Variants in DCP1B observed in about 807,000 individuals in gnomAD.
The protein encoded by DCP1B is decapping mRNA 1B, also known as mRNA-decapping enzyme 1B.
Under a neutral mutation model 60.5 loss-of-function variants are expected in DCP1B, and 47 were observed. The observed-to-expected ratio is 0.78, with a 90% CI of 0.61 to 0.99. DCP1B has a LOEUF of 0.99. Ranked by LOEUF, DCP1B falls within the 50% of genes least tolerant of loss-of-function variation. DCP1B has a pLI of 0.00. For missense variants in DCP1B, 725 were observed against 756.8 expected (o/e 0.96, Z 0.49); for synonymous variants, 267 against 280.3 (o/e 0.95, Z 0.47).
chr12:1,996,615 C>CT (rs1417021692), intron 2 of DCP1B, among the ~76,000 whole-genome samples: 2 of 23,448 alleles, frequency 8.5e-5, no homozygotes, highest in African/African-American at 1.4e-4. Flanking sequence ...AGCTGATGAG[C>CT]TAAAAAAAAA....
At chr12:1,970,916 G>T in intron 3 of DCP1B, 1 of 329,814 alleles carries the variant, frequency 3.0e-6, no homozygotes. Flanking sequence ...AACTTGCAGC[G>T]ATACGATACG....
chr12:1,965,805 GA>G, intron 4 of DCP1B, 112 bp from the exon 5 acceptor site: 2 of 1,283,106 alleles, frequency 1.6e-6, no homozygotes, highest in African/African-American at 1.6e-5. Context: ...AACCATATTA[GA>G]AATAAGCTTG....
intron 7 of DCP1B, 122 bp from the exon 8 acceptor site, chr12:1,949,456 G>C: frequency 2.2e-6 from 3 of 1,384,558 alleles, no homozygotes; most frequent in Non-Finnish European, 2.9e-6. Context: ...GCTGAGAAAA[G>C]TTTATGGGAA....
At chr12:2,004,083 A>C (rs999959264) in intron 1 of DCP1B, 199 bp downstream of exon 1, 2 of 700,346 alleles carry the variant, frequency 2.9e-6, no homozygotes, top group Non-Finnish European at 4.7e-6. Flanking sequence ...CCCCAACTCC[A>C]GGTAGCTCCA....
chr12:1,997,867 G>A (rs2041303364), intron 2 of DCP1B, 68 bp downstream of exon 2: 3 of 1,274,750 alleles, frequency 2.4e-6, no homozygotes, highest in Non-Finnish European at 3.4e-6. Context: ...ACTTGAAGAA[G>A]AGTGACACAA....
chr12:1,995,210 C>A (rs1212896375), intron 2 of DCP1B, among the ~76,000 whole-genome samples: 1 of 148,176 alleles, frequency 6.7e-6, no homozygotes, highest in African/African-American at 2.4e-5. Context: ...GTTCCTCTTC[C>A]ATAGTTAAAA....
intron 2 of DCP1B, among the ~76,000 whole-genome samples, chr12:1,994,950 C>T (rs946374625): frequency 9.8e-5 from 13 of 133,122 alleles, no homozygotes; most frequent in Non-Finnish European, 9.4e-5. Flanking sequence ...TTTTGTAATT[C>T]GCTACTGAAG....
intron 3 of DCP1B, among the ~76,000 whole-genome samples, chr12:1,989,283 G>A (rs533212238): frequency 6.6e-6 from 1 of 152,328 alleles, no homozygotes; most frequent in Non-Finnish European, 1.5e-5. Context: ...TTGCAATGAG[G>A]CTATGACCAA....
intron 1 of DCP1B, among the ~76,000 whole-genome samples, chr12:2,002,601 T>C (rs1030760559): frequency 3.9e-5 from 6 of 152,210 alleles, no homozygotes; most frequent in African/African-American, 1.4e-4. Context: ...CAAAAGCCTA[T>C]AGGAAACAAC....
chr12:1,993,249 G>C lies in DCP1B; in HGVS notation c.319+15C>G. 6.2e-7 allele frequency: 1 copy of C among 1,614,052 alleles called. No individual in the cohort carries two copies. The highest frequency in any genetic ancestry group is 8.5e-7 in the Non-Finnish European group (1 of 1,179,946). ...TTCAGAAGTAAAACAACCCACTGTA[G>C]TAAGAAAGACTCACATCTGGCATTT... On this transcript the variant is annotated intron_variant, in intron 3 of 8. Coordinates refer to ENST00000280665, the MANE Select transcript of DCP1B (RefSeq NM_152640.5).
intron 8 of DCP1B, 38 bp downstream of exon 8, chr12:1,949,048 C>A: frequency 2.5e-6 from 4 of 1,595,874 alleles, no homozygotes; most frequent in Non-Finnish European, 3.4e-6. Flanking sequence ...GGCCAACAGG[C>A]GTGGTCAGGT....
At chr12:1,996,717 C>T (rs192375658) in intron 2 of DCP1B, among the ~76,000 whole-genome samples, 42 of 146,656 alleles carry the variant, frequency 2.9e-4, no homozygotes, top group African/African-American at 7.3e-4. Flanking sequence ...CATTCAAAGC[C>T]ATCTTGGGCC....
At chr12:1,991,583 T>C in intron 3 of DCP1B, 1 of 238,358 alleles carries the variant, frequency 4.2e-6, no homozygotes, top group Non-Finnish European at 8.3e-6. Context: ...AGTTGGTGCC[T>C]GTTGGACACT....
downstream of DCP1B, among the ~76,000 whole-genome samples, chr12:1,942,666 C>G (rs1175229555): frequency 6.6e-6 from 1 of 152,190 alleles, no homozygotes; most frequent in Admixed American, 6.5e-5. Context: ...TACACGGAAA[C>G]TGAACAACCT....
chr12:1,981,980 T>C (rs2036279870), intron 3 of DCP1B, among the ~76,000 whole-genome samples: 2 of 152,188 alleles, frequency 1.3e-5, no homozygotes, highest in Non-Finnish European at 2.9e-5. Flanking sequence ...AGATGTGATC[T>C]GAAAGGGTAA....
At chr12:1,968,245 G>A (rs914292909) in intron 3 of DCP1B, among the ~76,000 whole-genome samples, 4 of 151,760 alleles carry the variant, frequency 2.6e-5, no homozygotes, top group Admixed American at 1.3e-4. Context: ...CCAGCTACTC[G>A]GGATGCAGAG....
At chr12:2,004,196 C>T (rs146792885) in intron 1 of DCP1B, 86 bp downstream of exon 1, 5 of 1,564,454 alleles carry the variant, frequency 3.2e-6, no homozygotes, top group Non-Finnish European at 3.5e-6. Context: ...TCTCCTCCCC[C>T]TCACCGGGTC....
chr12:1,960,506 T>C (rs2031084174), intron 5 of DCP1B, among the ~76,000 whole-genome samples: 1 of 152,224 alleles, frequency 6.6e-6, no homozygotes. Flanking sequence ...TATTGTATAC[T>C]GAAAGTTGCT....
At chr12:1,963,921 G>T (rs148442001) in intron 5 of DCP1B, among the ~76,000 whole-genome samples, 1 of 152,094 alleles carries the variant, frequency 6.6e-6, no homozygotes, top group Non-Finnish European at 1.5e-5. Flanking sequence ...TTAATCTTAT[G>T]TAGTTTTAAC....
Sources: gnomAD v4.1 joint callset for allele counts (sites outside exome capture counted in the v4.1 genomes callset) on GRCh38, gnomAD v4.1.1 for gene constraint, MANE v1.5 for transcripts, NCBI Gene and HGNC (gene_info 2026-07-23, HGNC 2026-07-21) for gene names.